Variants in GRIK2 observed in about 807,000 individuals in gnomAD.
The protein encoded by GRIK2 is glutamate ionotropic receptor kainate type subunit 2, also known as glutamate receptor ionotropic, kainate 2.
Under a neutral mutation model 100.3 loss-of-function variants are expected in GRIK2, and 32 were observed. That is an observed-to-expected ratio of 0.32 (90% CI 0.24 to 0.43). GRIK2 has a LOEUF of 0.43. Ranked by LOEUF, GRIK2 falls within the 20% of genes least tolerant of loss-of-function variation. GRIK2 has a pLI of 1.00. For missense variants in GRIK2, 843 were observed against 1,114.9 expected (o/e 0.76, Z 3.47); for synonymous variants, 417 against 389.4 (o/e 1.07, Z -0.83).
At chr6:102,049,124 G>T (rs1021848871) in intron 15 of GRIK2, among the ~76,000 whole-genome samples, 1 of 152,046 alleles carries the variant, frequency 6.6e-6, no homozygotes, top group African/African-American at 2.4e-5. Flanking sequence ...TTCAAAGCCA[G>T]TTGTGGAACT....
intron 14 of GRIK2, among the ~76,000 whole-genome samples, chr6:101,957,473 T>C (rs887677181): frequency 2.6e-5 from 4 of 151,336 alleles, no homozygotes; most frequent in Admixed American, 1.3e-4. Context: ...TCTTATTTAT[T>C]TATTTTTATT....
At chr6:101,692,178 A>G (rs1197926348) in intron 7 of GRIK2, among the ~76,000 whole-genome samples, 2 of 151,958 alleles carry the variant, frequency 1.3e-5, no homozygotes, top group Non-Finnish European at 2.9e-5. Context: ...GCTTGTCTTA[A>G]TTAATTTTAG....
chr6:101,503,077 T>C (rs1388318537), intron 2 of GRIK2, among the ~76,000 whole-genome samples: 2 of 152,138 alleles, frequency 1.3e-5, no homozygotes, highest in Non-Finnish European at 2.9e-5. Context: ...ACCAGGAGAC[T>C]ACTGTGGCAT....
chr6:101,709,518 A>T (rs564076240), intron 7 of GRIK2, among the ~76,000 whole-genome samples: 7 of 151,874 alleles, frequency 4.6e-5, no homozygotes, highest in Non-Finnish European at 1.0e-4. Context: ...ATTAGATAAA[A>T]GGCAGAGAAG....
rs1783108026 is a variant in GRIK2, at chr6:101,836,565, C to T, written c.1317+18082C>T. ...AACTTTTTAAAAATATGGTTATTAG[C>T]AGAAGCTACATTATATGTGTGCTCC... On this transcript the variant is annotated intron_variant, in intron 10 of 16. Coordinates refer to ENST00000369134, the MANE Select transcript of GRIK2 (RefSeq NM_021956.5). Among the ~76,000 whole-genome samples the T allele has an allele frequency of 2.7e-5, 4 of 147,080 alleles. No individual in the cohort carries two copies. The South Asian group carries it at 8.5e-4, about 31-fold the overall frequency.
At chr6:101,779,874 T>G (rs1452318599) in intron 7 of GRIK2, among the ~76,000 whole-genome samples, 2 of 151,438 alleles carry the variant, frequency 1.3e-5, no homozygotes, top group Non-Finnish European at 2.9e-5. Context: ...TAAATCTCTC[T>G]CTCTATATAT....
intron 14 of GRIK2, among the ~76,000 whole-genome samples, chr6:101,981,745 A>T (rs1254955324): frequency 6.6e-6 from 1 of 151,864 alleles, no homozygotes; most frequent in Non-Finnish European, 1.5e-5. Context: ...TTAAGGGAAG[A>T]AAAAATGGAA....
chr6:101,587,485 A>G (rs1467376069), intron 2 of GRIK2, among the ~76,000 whole-genome samples: 3 of 152,100 alleles, frequency 2.0e-5, no homozygotes, highest in African/African-American at 4.8e-5. Context: ...TAGGATTTCC[A>G]GAAGGAGCTG....
intron 2 of GRIK2, among the ~76,000 whole-genome samples, chr6:101,554,301 A>T (rs1203140635): frequency 1.3e-5 from 2 of 152,168 alleles, no homozygotes; most frequent in Admixed American, 1.3e-4. Context: ...TGTCCTTCAG[A>T]TTGTGACCAC....
At chr6:101,840,033 A>G (rs1314858764) in intron 10 of GRIK2, among the ~76,000 whole-genome samples, 1 of 152,068 alleles carries the variant, frequency 6.6e-6, no homozygotes, top group African/African-American at 2.4e-5. Flanking sequence ...GTGATAGTTC[A>G]CTCAGGGAGC....
intron 7 of GRIK2, among the ~76,000 whole-genome samples, chr6:101,699,913 A>G (rs924489252): frequency 2.8e-4 from 43 of 152,050 alleles, no homozygotes; most frequent in African/African-American, 1.0e-3. Context: ...TTGGGAGGCC[A>G]AGGTGAGAGG....
At chr6:101,922,733 T>C (rs1167488366) in intron 12 of GRIK2, among the ~76,000 whole-genome samples, 1 of 152,172 alleles carries the variant, frequency 6.6e-6, no homozygotes, top group Non-Finnish European at 1.5e-5. Context: ...ATGGGTGCTC[T>C]AGCAGCAGAG....
intron 2 of GRIK2, among the ~76,000 whole-genome samples, chr6:101,438,887 T>C (rs1318522964): frequency 6.6e-6 from 1 of 152,146 alleles, no homozygotes; most frequent in Admixed American, 6.6e-5. Flanking sequence ...CAACATGCAC[T>C]TTTGTAAACT....
At chr6:101,523,739 T>TTTTTTTTTTTTTTTG (rs1775004175) in intron 2 of GRIK2, among the ~76,000 whole-genome samples, 2 of 142,812 alleles carry the variant, frequency 1.4e-5, no homozygotes, top group Admixed American at 7.2e-5. Context: ...TTTTTTTTTT[T>TTTTTTTTTTTTTTTG]GATGGAGTCT....
Position 102,069,524 on chromosome 6 carries a change from A to G in GRIK2, c.*1013A>G, listed in dbSNP as rs1463292190. On this transcript the variant is annotated 3_prime_UTR_variant, in exon 17 of 17. Transcript: ENST00000369134. ...TGGAGCATGGGCAGATTTCAGTGAT[A>G]CGAGAAAGGGGACTGGTCATCTATA... is the stretch of plus-strand genomic sequence containing the variant. The G allele has an allele frequency of 2.6e-5, 4 of 151,832 alleles. No individual in the cohort carries two copies. Among genetic ancestry groups the G allele is most frequent in the African/African-American group, 9.7e-5 (4 of 41,390 alleles). The allele number at this position is 151,832 out of a possible 1,614,324, so 9.4% of individuals were successfully genotyped here.
chr6:101,949,813 A>G (rs1277727207), intron 14 of GRIK2, among the ~76,000 whole-genome samples: 8 of 152,190 alleles, frequency 5.3e-5, no homozygotes, highest in Non-Finnish European at 7.4e-5. Context: ...TGCAATAAAC[A>G]TGAGTGTACA....
At chr6:101,583,754 C>CT (rs980941904) in intron 2 of GRIK2, among the ~76,000 whole-genome samples, 1 of 151,960 alleles carries the variant, frequency 6.6e-6, no homozygotes, top group Non-Finnish European at 1.5e-5. Context: ...ATGCAACTGG[C>CT]TTTTTTTGTC....
intron 2 of GRIK2, among the ~76,000 whole-genome samples, chr6:101,488,962 G>A (rs1772967749): frequency 6.8e-6 from 1 of 146,136 alleles, no homozygotes; most frequent in Non-Finnish European, 1.5e-5. Context: ...TTTCAGAGAT[G>A]ATTAATATTT....
At chr6:101,466,961 C>A in intron 2 of GRIK2, among the ~76,000 whole-genome samples, 1 of 152,090 alleles carries the variant, frequency 6.6e-6, no homozygotes. Flanking sequence ...AAATAATTTT[C>A]TTTCTTCTGA....
Sources: gnomAD v4.1 joint callset for allele counts (sites outside exome capture counted in the v4.1 genomes callset) on GRCh38, gnomAD v4.1.1 for gene constraint, MANE v1.5 for transcripts, NCBI Gene and HGNC (gene_info 2026-07-23, HGNC 2026-07-21) for gene names.